Variants in UBP1 observed in about 807,000 individuals in gnomAD.
UBP1 encodes the protein upstream binding protein 1, also known as upstream-binding protein 1.
Under a neutral mutation model 76.1 loss-of-function variants are expected in UBP1, and 22 were observed. The ratio of observed to expected loss-of-function variants is 0.29; its 90% CI spans 0.21 to 0.41. The LOEUF (loss-of-function observed/expected upper bound fraction) is 0.41. Among genes scored for constraint, UBP1 ranks in the 10% least tolerant of loss-of-function variants. The pLI, the probability that UBP1 is intolerant of heterozygous loss-of-function variation, is 1.00. For missense variants in UBP1, 436 were observed against 668.1 expected, an observed-to-expected ratio of 0.65 and a Z score of 3.83; for synonymous variants, 224 against 237.1, an observed-to-expected ratio of 0.94 and a Z score of 0.51.
At chr3:33,390,667 G>GC in intron 15 of UBP1, 2 of 400,792 alleles carry the variant, frequency 5.0e-6, no homozygotes, top group Non-Finnish European at 9.2e-6. Context: ...TAATAGTGCT[G>GC]TCCATAAGGG....
rs113496759 is a variant in UBP1, at chr3:33,395,574, G to A, written c.1390+588C>T. Among the ~76,000 whole-genome samples, 1,054 of 151,864 alleles carry A rather than the reference G, an allele frequency of 6.9e-3. 13 individuals are homozygous for A. The highest frequency in any genetic ancestry group is 0.023 in the African/African-American group (960 of 41,366). On this transcript the variant is annotated intron_variant, in intron 13 of 15. Transcript: ENST00000283629. ...AGAAGCCCTCCCAAGATAACGTACT[G>A]GGTAGTATTATTTACAGTGACATAA...
intron 13 of UBP1, among the ~76,000 whole-genome samples, chr3:33,395,330 C>CT (rs397940588): frequency 0.024 from 3,530 of 147,548 alleles, 125 homozygotes; most frequent in African/African-American, 0.077. Flanking sequence ...ATTAACACAT[C>CT]TTTTTTTTTT....
intron 1 of UBP1, among the ~76,000 whole-genome samples, chr3:33,433,921 C>G (rs906797048): frequency 6.6e-6 from 1 of 151,858 alleles, no homozygotes; most frequent in African/African-American, 2.4e-5. Flanking sequence ...AAGACCCTGT[C>G]TCTAAAAATA....
intron 3 of UBP1, 92 bp from the exon 4 acceptor site, chr3:33,412,919 T>G (rs1184817955): frequency 1.3e-6 from 1 of 799,282 alleles, no homozygotes; most frequent in South Asian, 1.5e-5. Flanking sequence ...CCTGTAGCAG[T>G]AGAACACATA....
intron 12 of UBP1, 22 bp downstream of exon 12, chr3:33,397,023 A>G (rs774829183): frequency 1.3e-6 from 2 of 1,577,518 alleles, no homozygotes; most frequent in East Asian, 4.5e-5. Flanking sequence ...TATTTCAAGC[A>G]AAACAGTTCA....
intron 2 of UBP1, among the ~76,000 whole-genome samples, chr3:33,425,055 A>G (rs1361912501): frequency 6.6e-6 from 1 of 152,060 alleles, no homozygotes; most frequent in Non-Finnish European, 1.5e-5. Context: ...AAAAAAAAAA[A>G]GGTAAACTAC....
At chr3:33,416,214 C>G (rs115537142) in intron 3 of UBP1, 2 of 152,256 alleles carry the variant, frequency 1.3e-5, no homozygotes, top group Non-Finnish European at 2.9e-5. Flanking sequence ...CCCTGTAATG[C>G]TATGGAATTT....
rs776350187 is a variant in UBP1 at position 33,425,600 on chromosome 3, A to G, written c.255T>C (p.Tyr85=). ...AVKLHDETLT[Y]LNQGQSYEIR... ...CATAACCACACTAACCTTGGTTCAA[A>G]TAAGTAAGCGTTTCATCATGCAGTT... is the stretch of plus-strand genomic sequence containing the variant. The change falls in exon 2 of 16, where the codon TAT becomes TAC. Residue 85 remains tyrosine (Y), a synonymous_variant. Transcript: ENST00000283629. 5 of 1,551,710 alleles carry G rather than the reference A, an allele frequency of 3.2e-6. No individual in the cohort carries two copies. The highest frequency in any genetic ancestry group is 3.5e-6 in the Non-Finnish European group (4 of 1,135,212).
intron 1 of UBP1, among the ~76,000 whole-genome samples, chr3:33,425,996 A>AATAAATAT (rs1404753322): frequency 2.0e-4 from 11 of 55,132 alleles, no homozygotes; most frequent in African/African-American, 8.6e-4. Context: ...GGCAGCTCTG[A>AATAAATAT]ATATATATAT....
chr3:33,436,206 A>G (rs540626591), intron 1 of UBP1, among the ~76,000 whole-genome samples: 42 of 152,358 alleles, frequency 2.8e-4, no homozygotes, highest in South Asian at 1.7e-3. Context: ...ACACTGTCCA[A>G]TGTTTAAATT....
Position 33,388,811 on chromosome 3 carries a change from C to T in UBP1, c.*1520G>A, listed in dbSNP as rs975776696. On this transcript the variant is annotated 3_prime_UTR_variant, in exon 16 of 16. Transcript: ENST00000283629. ...TGCTTCTTTGTAGCAAATAATTAAC[C>T]CCCTTTATGAATAAAACATAAAATG... 2 of 152,082 alleles carry T rather than the reference C, an allele frequency of 1.3e-5. No homozygotes were observed. The highest frequency in any genetic ancestry group is 2.9e-5 in the Non-Finnish European group (2 of 68,016). The allele number at this position is 152,082 out of a possible 1,614,324, so 9.4% of individuals were successfully genotyped here.
In UBP1 at chr3:33,418,860, CAAAAAAAAAAAA is replaced by C. The variant is rs59774815; in HGVS notation, c.266-2038_266-2027del. ...GGCAACAAGAACGAAACTCTGTCTC[CAAAAAAAAAAAA>C]AAAAAAAAAAAATTGCTAACAAATG... is the stretch of plus-strand genomic sequence containing the variant. On this transcript the variant is annotated intron_variant, in intron 2 of 15. Transcript: ENST00000283629. Among the ~76,000 whole-genome samples, 8 of 76,754 alleles carry C rather than the reference CAAAAAAAAAAAA, an allele frequency of 1.0e-4. 1 individual carries two copies. Among genetic ancestry groups the C allele is most frequent in the Middle Eastern group, 0.016 (2 of 124 alleles). The allele number at this position is 76,754 out of a possible 152,430, so 50.4% of individuals were successfully genotyped here.
chr3:33,399,861 G>A (rs1449531551), intron 11 of UBP1, among the ~76,000 whole-genome samples: 2 of 152,106 alleles, frequency 1.3e-5, no homozygotes, highest in African/African-American at 4.8e-5. Context: ...TACTAGCTCT[G>A]TAACTTACTG....
intron 1 of UBP1, 38 bp downstream of exon 1, chr3:33,439,698 G>C: frequency 1.9e-6 from 3 of 1,603,494 alleles, no homozygotes; most frequent in Non-Finnish European, 2.6e-6. Flanking sequence ...CCTTCCCCAA[G>C]GAGACAGAGG....
At position 33,388,870 on chromosome 3, in the gene UBP1, C is replaced by T. The variant is rs570505927; in HGVS notation, c.*1461G>A. 6.6e-6 allele frequency: 1 copy of T among 152,296 alleles called. No individual in the cohort carries two copies. The highest frequency in any genetic ancestry group is 2.4e-5 in the African/African-American group (1 of 41,560). 9.4% of individuals were successfully genotyped at this position (152,296 alleles called of 1,614,324 possible). A position where few individuals can be genotyped will look rare whatever the true frequency, so the allele number is the denominator to read the frequency against. On this transcript the variant is annotated 3_prime_UTR_variant, in exon 16 of 16. Transcript: ENST00000283629. ...TTTACTCACTGAAGTAGTTTGTCTT[C>T]TGGGAGAGATTTCAAACTCAAAATT...
At chr3:33,397,783 GTCTC>G (rs2044064913) in intron 11 of UBP1, 1 of 152,042 alleles carries the variant, frequency 6.6e-6, no homozygotes, top group African/African-American at 2.4e-5. Flanking sequence ...AAGTGTAAAT[GTCTC>G]TCTATACAGG....
chr3:33,398,899 C>T (rs954367923), intron 11 of UBP1, among the ~76,000 whole-genome samples: 4 of 152,192 alleles, frequency 2.6e-5, no homozygotes, highest in Admixed American at 6.5e-5. Flanking sequence ...TAGTTTTTCA[C>T]ACATAAAAGG....
chr3:33,435,010 T>C (rs933899856), intron 1 of UBP1, among the ~76,000 whole-genome samples: 18 of 152,154 alleles, frequency 1.2e-4, no homozygotes, highest in African/African-American at 4.3e-4. Flanking sequence ...TAAAGGGTTG[T>C]AAAAAACAAA....
At chr3:33,425,797 A>C (rs1375406672) in intron 1 of UBP1, 56 bp from the exon 2 acceptor site, 2 of 1,505,430 alleles carry the variant, frequency 1.3e-6, no homozygotes, top group East Asian at 2.3e-5. Context: ...ATTTGTCTAC[A>C]GCCATATCAT....
Sources: gnomAD v4.1 joint callset for allele counts (sites outside exome capture counted in the v4.1 genomes callset) on GRCh38, gnomAD v4.1.1 for gene constraint, MANE v1.5 for transcripts, NCBI Gene and HGNC (gene_info 2026-07-23, HGNC 2026-07-21) for gene names.